The following MAGI2 variants were observed in gnomAD, a reference collection of about 807,000 sequenced individuals.
MAGI2 encodes the protein membrane associated guanylate kinase, WW and PDZ domain containing 2, also known as membrane-associated guanylate kinase, WW and PDZ domain-containing protein 2.
In MAGI2, 35 loss-of-function variants were observed where a neutral mutation model predicts 133.3. That is an observed-to-expected ratio of 0.26 (90% confidence interval 0.20 to 0.35). The LOEUF is 0.35. Ranked by LOEUF, MAGI2 falls within the 10% of genes least tolerant of loss-of-function variation. The probability of loss-of-function intolerance (pLI) is 1.00; values close to 1 mark genes in which losing one functional copy is unlikely to be tolerated. For synonymous variants in MAGI2, 729 were observed against 710.6 expected (o/e 1.03, Z -0.41); for missense variants, 1,636 against 1,863.4 (o/e 0.88, Z 2.25).
At chr7:78,819,845 C>T (rs979688764) in intron 2 of MAGI2, among the ~76,000 whole-genome samples, 2 of 151,892 alleles carry the variant, frequency 1.3e-5, no homozygotes, top group African/African-American at 4.8e-5. Context: ...ATAGGCTTTC[C>T]AGTAATGAGA....
chr7:79,365,819 C>T (rs1023093614), intron 1 of MAGI2, among the ~76,000 whole-genome samples: 35 of 129,550 alleles, frequency 2.7e-4, no homozygotes, highest in Admixed American at 9.9e-4. Context: ...AAGATCGGGC[C>T]GCTGCACTCC....
intron 10 of MAGI2, among the ~76,000 whole-genome samples, chr7:78,251,104 T>A (rs970430273): frequency 1.3e-5 from 2 of 152,164 alleles, no homozygotes; most frequent in Non-Finnish European, 1.5e-5. Flanking sequence ...TGTTATGTAA[T>A]ATACCATTAT....
chr7:78,043,954 G>T (rs1310382240), intron 21 of MAGI2, among the ~76,000 whole-genome samples: 1 of 152,138 alleles, frequency 6.6e-6, no homozygotes, highest in Non-Finnish European at 1.5e-5. Flanking sequence ...AATGGATTGG[G>T]CCAGTTACTA....
chr7:78,070,206 T>C (rs866468887), intron 21 of MAGI2, among the ~76,000 whole-genome samples: 1,079 of 48,292 alleles, frequency 0.022, 14 homozygotes, highest in Non-Finnish European at 0.033. Flanking sequence ...TATATATATA[T>C]ATATATATAT....
chr7:78,815,755 G>T (rs1789517241), intron 2 of MAGI2, among the ~76,000 whole-genome samples: 1 of 152,128 alleles, frequency 6.6e-6, no homozygotes, highest in African/African-American at 2.4e-5. Flanking sequence ...AATTAATCAA[G>T]AAATGTATAT....
At chr7:78,774,397 T>C (rs113129510) in intron 2 of MAGI2, among the ~76,000 whole-genome samples, 46 of 152,274 alleles carry the variant, frequency 3.0e-4, no homozygotes, top group African/African-American at 9.6e-4. Flanking sequence ...ACAGTAACGC[T>C]GTACGAAGCC....
At chr7:78,325,828 A>C (rs948263184) in intron 9 of MAGI2, among the ~76,000 whole-genome samples, 7 of 152,234 alleles carry the variant, frequency 4.6e-5, no homozygotes, top group Non-Finnish European at 8.8e-5. Context: ...GAGTCTGGAG[A>C]GGAAGATGAA....
chr7:78,601,532 T>C (rs319874), intron 3 of MAGI2, among the ~76,000 whole-genome samples: 29,888 of 152,128 alleles, frequency 0.2, 3,764 homozygotes, highest in Non-Finnish European at 0.29. Context: ...CTCAGGAAAT[T>C]TTGGTTGTTC....
chr7:79,181,527 A>G (rs1464163011), intron 1 of MAGI2, among the ~76,000 whole-genome samples: 1 of 151,886 alleles, frequency 6.6e-6, no homozygotes, highest in African/African-American at 2.4e-5. Context: ...GGCCCGGCCC[A>G]CAAAACTATT....
intron 2 of MAGI2, among the ~76,000 whole-genome samples, chr7:78,715,855 T>C (rs1378026632): frequency 6.6e-6 from 1 of 152,196 alleles, no homozygotes; most frequent in Non-Finnish European, 1.5e-5. Context: ...AAAATATAAG[T>C]CCTACACAGA....
chr7:78,543,978 C>G (rs1410880045), intron 3 of MAGI2, among the ~76,000 whole-genome samples: 1 of 152,206 alleles, frequency 6.6e-6, no homozygotes, highest in Non-Finnish European at 1.5e-5. Context: ...ATACCATTCT[C>G]TTACATTCAT....
intron 1 of MAGI2, among the ~76,000 whole-genome samples, chr7:79,171,772 T>TA (rs1215314753): frequency 0.027 from 588 of 21,644 alleles, 3 homozygotes; most frequent in East Asian, 0.098. Context: ...ATATATATAT[T>TA]TTTTTTTTTT....
chr7:79,414,804 C>A (rs1846387976), intron 1 of MAGI2: 1 of 152,012 alleles, frequency 6.6e-6, no homozygotes, highest in African/African-American at 2.4e-5. Flanking sequence ...GTTGGGAAAA[C>A]CTGTTTCTCC....
intron 9 of MAGI2, among the ~76,000 whole-genome samples, chr7:78,279,254 A>G (rs1795326420): frequency 6.6e-6 from 1 of 152,096 alleles, no homozygotes; most frequent in Admixed American, 6.6e-5. Context: ...ACACACAGAA[A>G]TACAGCTTAT....
In MAGI2 at chr7:79,285,029, G is replaced by C. The variant is rs1050500212; in HGVS notation, c.301+167991C>G. 3.3e-5 allele frequency among the ~76,000 whole-genome samples: 5 copies of C among 152,082 alleles called. No individual in the cohort carries two copies. In the East Asian group the frequency reaches 9.7e-4, roughly 29 times the overall value. On this transcript the variant is annotated intron_variant, in intron 1 of 21. Transcript: ENST00000354212. ...ATTGGAATGAGAGAGAAAAGATGGAGAAGAAGTTATATCTGGCAAGAACCT... is the reference window on the plus strand; with the variant it reads ...ATTGGAATGAGAGAGAAAAGATGGACAAGAAGTTATATCTGGCAAGAACCT...
chr7:78,019,443 G>T lies in MAGI2; in HGVS notation c.4240C>A (p.Pro1414Thr). The T allele has an allele frequency of 1.0e-6, 1 of 991,134 alleles. No individual in the cohort carries two copies. Among genetic ancestry groups the T allele is most frequent in the Non-Finnish European group, 1.2e-6 (1 of 835,576 alleles). 61.4% of individuals were successfully genotyped at this position (991,134 alleles called of 1,614,324 possible). ...GCGCCCCCCGGGGGTCGCGGGCCCG[G>T]CCGGGGACCCGCGCGCGCACCCGCC... The part of the protein sequence containing the change: ...GRAGARAGPR[P>T]GPRPPGGAPA... The change falls in exon 22 of 22, where the codon CCG becomes ACG. Residue 1414 changes from proline (P) to threonine (T), a missense_variant. By Grantham distance (38) the Pro-to-Thr change is conservative. Around this residue, in one of 5 missense-constraint regions of MAGI2, gnomAD observed 354 missense variants for 298.7 expected, o/e 1.19. Coordinates refer to ENST00000354212, the MANE Select transcript of MAGI2 (RefSeq NM_012301.4).
intron 1 of MAGI2, among the ~76,000 whole-genome samples, chr7:79,112,983 TA>T (rs527975835): frequency 6.6e-6 from 1 of 152,216 alleles, no homozygotes; most frequent in Admixed American, 6.5e-5. Flanking sequence ...CATTGAGAAT[TA>T]AAAAAATAAT....
chr7:78,157,574 A>G (rs1824523341), intron 16 of MAGI2, among the ~76,000 whole-genome samples: 1 of 152,208 alleles, frequency 6.6e-6, no homozygotes, highest in Non-Finnish European at 1.5e-5. Flanking sequence ...AGGCTGTTAT[A>G]CTTCAAACAA....
At chr7:78,993,860 A>T (rs1324985214) in intron 2 of MAGI2, among the ~76,000 whole-genome samples, 1 of 152,086 alleles carries the variant, frequency 6.6e-6, no homozygotes, top group Non-Finnish European at 1.5e-5. Flanking sequence ...AAAAAAAAAT[A>T]AGAGCTTCGC....
Sources: allele counts gnomAD v4.1 joint callset (sites outside exome capture counted in the v4.1 genomes callset), GRCh38; gene constraint gnomAD v4.1.1; regional missense constraint gnomAD v4.1.1; transcripts MANE v1.5; gene names NCBI Gene and HGNC (gene_info 2026-07-23, HGNC 2026-07-21).